The following SLC39A11 variants were observed in gnomAD, a reference collection of about 807,000 sequenced individuals.
The protein encoded by SLC39A11 is zinc transporter ZIP11.
In SLC39A11, 33 loss-of-function variants were observed where a neutral mutation model predicts 36.1. The observed-to-expected ratio is 0.91, with a 90% CI of 0.69 to 1.22. The LOEUF is 1.22. Among genes scored for constraint, SLC39A11 ranks in the 50% most tolerant of loss-of-function variants. SLC39A11 has a pLI of 0.00. For synonymous variants in SLC39A11, 166 were observed against 170.3 expected (o/e 0.97, Z 0.20); for missense variants, 432 against 430.3 (o/e 1.00, Z -0.03).
chr17:73,006,642 C>T (rs1266284213), intron 4 of SLC39A11, among the ~76,000 whole-genome samples: 1 of 128,530 alleles, frequency 7.8e-6, no homozygotes, highest in East Asian at 2.3e-4. Context: ...ACTTAGAATT[C>T]AGTTTGTAAA....
intron 6 of SLC39A11, among the ~76,000 whole-genome samples, chr17:72,778,819 A>G (rs2076215123): frequency 6.6e-6 from 1 of 152,206 alleles, no homozygotes; most frequent in African/African-American, 2.4e-5. Context: ...CCCCTAATCT[A>G]ATAAAGGTTG....
intron 7 of SLC39A11, among the ~76,000 whole-genome samples, chr17:72,655,632 C>G (rs1283416243): frequency 6.6e-6 from 1 of 152,216 alleles, no homozygotes; most frequent in Non-Finnish European, 1.5e-5. Context: ...ATTCCCAACA[C>G]AGTCTGGGAG....
rs538296060 is a variant in SLC39A11, at chr17:73,054,803, G to A, written c.148-23089C>T. 5.5e-5 allele frequency among the ~76,000 whole-genome samples: 6 copies of A among 109,946 alleles called. No individual in the cohort carries two copies. The East Asian group carries it at 1.0e-3, about 19-fold the overall frequency. The allele number at this position is 109,946 out of a possible 152,430, so 72.1% of individuals were successfully genotyped here. On this transcript the variant is annotated intron_variant, in intron 3 of 9. Transcript: ENST00000255559. Reference sequence around the variant, plus strand: ...AGCCTGGGTGACAGAGCAAGATTCCGTCTCAAAAAAAAAAAAAAAAAGAAT... The same window carrying A: ...AGCCTGGGTGACAGAGCAAGATTCCATCTCAAAAAAAAAAAAAAAAAGAAT...
chr17:72,989,842 A>G (rs890930233), intron 4 of SLC39A11, among the ~76,000 whole-genome samples: 5 of 152,234 alleles, frequency 3.3e-5, no homozygotes. Context: ...TACAGAAATT[A>G]CGAAACTTAT....
intron 3 of SLC39A11, among the ~76,000 whole-genome samples, chr17:73,041,254 G>A (rs1472938345): frequency 6.6e-6 from 1 of 152,204 alleles, no homozygotes; most frequent in Non-Finnish European, 1.5e-5. Context: ...AAGTCAGAAG[G>A]AAAGGAAGAG....
intron 3 of SLC39A11, among the ~76,000 whole-genome samples, chr17:73,065,773 T>C (rs897389855): frequency 1.3e-5 from 2 of 152,280 alleles, no homozygotes; most frequent in South Asian, 4.2e-4. Flanking sequence ...GAGAACACAT[T>C]AGGCTTAACT....
At chr17:72,734,765 G>A (rs1427262295) in intron 7 of SLC39A11, among the ~76,000 whole-genome samples, 1 of 152,178 alleles carries the variant, frequency 6.6e-6, no homozygotes, top group African/African-American at 2.4e-5. Context: ...CATGCCTGGG[G>A]CACAGCTGTC....
At chr17:73,017,475 G>A (rs1452976934) in intron 4 of SLC39A11, among the ~76,000 whole-genome samples, 1 of 152,180 alleles carries the variant, frequency 6.6e-6, no homozygotes, top group Non-Finnish European at 1.5e-5. Context: ...CACTTTGGGA[G>A]GCTGACGCAG....
At chr17:72,710,981 C>G (rs75610580) in intron 7 of SLC39A11, among the ~76,000 whole-genome samples, 2,603 of 152,298 alleles carry the variant, frequency 0.017, 63 homozygotes, top group African/African-American at 0.056. Flanking sequence ...CTCCCTCCCC[C>G]TTTTAAAGCC....
intron 6 of SLC39A11, among the ~76,000 whole-genome samples, chr17:72,813,261 G>A (rs925976133): frequency 2.6e-5 from 4 of 152,074 alleles, no homozygotes; most frequent in Non-Finnish European, 4.4e-5. Flanking sequence ...AAACCCTAAC[G>A]GATGGAGAAC....
chr17:73,089,686 T>A (rs919336475), intron 1 of SLC39A11: 3 of 152,194 alleles, frequency 2.0e-5, no homozygotes, highest in African/African-American at 7.2e-5. Context: ...CTGAAAAATA[T>A]GTGCTGGATG....
At chr17:73,064,551 TC>T (rs1479126456) in intron 3 of SLC39A11, among the ~76,000 whole-genome samples, 1 of 152,062 alleles carries the variant, frequency 6.6e-6, no homozygotes, top group African/African-American at 2.4e-5. Context: ...GGCTCCAGAC[TC>T]CCCATCTGTG....
chr17:72,682,024 A>G (rs112420016), intron 7 of SLC39A11, among the ~76,000 whole-genome samples: 5,818 of 152,004 alleles, frequency 0.038, 363 homozygotes, highest in African/African-American at 0.13. Context: ...TCACATTACC[A>G]CCTGAGCTCC....
intron 4 of SLC39A11, among the ~76,000 whole-genome samples, chr17:72,973,854 C>G (rs1370993932): frequency 6.6e-6 from 1 of 152,200 alleles, no homozygotes; most frequent in African/African-American, 2.4e-5. Context: ...ACCACCGCAC[C>G]TGGCCAGTAA....
intron 5 of SLC39A11, among the ~76,000 whole-genome samples, chr17:72,887,347 G>A (rs1272688265): frequency 1.3e-5 from 2 of 152,152 alleles, no homozygotes; most frequent in Non-Finnish European, 2.9e-5. Flanking sequence ...AAAGTGCATC[G>A]AAACTCCGTT....
At chr17:72,962,376 G>A (rs569396808) in intron 4 of SLC39A11, among the ~76,000 whole-genome samples, 1 of 152,268 alleles carries the variant, frequency 6.6e-6, no homozygotes, top group Non-Finnish European at 1.5e-5. Flanking sequence ...CTGGGGCTTT[G>A]ATCTCCTCTG....
At chr17:73,087,917 C>CCCA (rs2060788101) in intron 2 of SLC39A11, among the ~76,000 whole-genome samples, 1 of 152,124 alleles carries the variant, frequency 6.6e-6, no homozygotes, top group Admixed American at 6.6e-5. Flanking sequence ...TTCCAACCAT[C>CCCA]CCACCCAACT....
At chr17:72,895,481 A>T (rs2146806761) in intron 5 of SLC39A11, among the ~76,000 whole-genome samples, 1 of 152,184 alleles carries the variant, frequency 6.6e-6, no homozygotes, top group South Asian at 2.1e-4. Flanking sequence ...TGGGAGGCTG[A>T]GGCGGGAGAA....
intron 6 of SLC39A11, among the ~76,000 whole-genome samples, chr17:72,829,618 G>C (rs1299827496): frequency 6.6e-6 from 1 of 152,126 alleles, no homozygotes; most frequent in Non-Finnish European, 1.5e-5. Flanking sequence ...CATGCTCAAA[G>C]GGCCAACCAA....
Sources: allele counts gnomAD v4.1 joint callset (sites outside exome capture counted in the v4.1 genomes callset), GRCh38; gene constraint gnomAD v4.1.1; transcripts MANE v1.5; gene names NCBI Gene and HGNC (gene_info 2026-07-23, HGNC 2026-07-21).